The following SGCZ variants were observed in gnomAD, a reference collection of about 807,000 sequenced individuals.
SGCZ encodes the protein sarcoglycan zeta.
SGCZ carries 40 observed loss-of-function variants against 41.3 expected under a neutral mutation model. The ratio of observed to expected loss-of-function variants is 0.97; its 90% CI spans 0.75 to 1.26. The LOEUF (loss-of-function observed/expected upper bound fraction) is 1.26, where lower values mean the gene tolerates loss of function less well. Ranked by LOEUF, SGCZ falls within the 50% of genes most tolerant of loss-of-function variation. SGCZ has a pLI of 0.00. For missense variants in SGCZ, 552 were observed against 369.8 expected (o/e 1.49, Z -4.04); for synonymous variants, 206 against 137.5 (o/e 1.50, Z -3.49).
At chr8:15,013,421 A>T (rs1221022432) in intron 1 of SGCZ, among the ~76,000 whole-genome samples, 1 of 152,202 alleles carries the variant, frequency 6.6e-6, no homozygotes. Context: ...TGCCCTTAGC[A>T]TCTATAACGG....
intron 4 of SGCZ, among the ~76,000 whole-genome samples, chr8:14,211,385 A>T (rs990312902): frequency 2.6e-5 from 4 of 152,152 alleles, no homozygotes; most frequent in Non-Finnish European, 5.9e-5. Flanking sequence ...GACACCGTCC[A>T]TACTTCTCCA....
chr8:14,394,149 T>TCC (rs1804892993), intron 2 of SGCZ, among the ~76,000 whole-genome samples: 1 of 61,326 alleles, frequency 1.6e-5, no homozygotes, highest in African/African-American at 1.1e-4. Context: ...CCACCTTTTT[T>TCC]TTTTTTTTTT....
intron 2 of SGCZ, among the ~76,000 whole-genome samples, chr8:14,454,839 A>T (rs1410587380): frequency 1.3e-5 from 2 of 152,184 alleles, no homozygotes; most frequent in African/African-American, 4.8e-5. Context: ...AAAAATATTA[A>T]GGTTAAATAT....
chr8:14,660,180 T>C (rs1035670017), intron 1 of SGCZ, among the ~76,000 whole-genome samples: 2 of 152,132 alleles, frequency 1.3e-5, no homozygotes, highest in Non-Finnish European at 2.9e-5. Flanking sequence ...TGTCCTTATA[T>C]TCTGGCAGCA....
chr8:14,315,900 AG>A (rs1801698888), intron 3 of SGCZ, among the ~76,000 whole-genome samples: 1 of 151,924 alleles, frequency 6.6e-6, no homozygotes, highest in Admixed American at 6.6e-5. Flanking sequence ...ATAAAAAAGA[AG>A]GAAAAACACA....
chr8:14,624,471 C>T (rs548846554), intron 1 of SGCZ, among the ~76,000 whole-genome samples: 6 of 149,064 alleles, frequency 4.0e-5, no homozygotes, highest in African/African-American at 7.4e-5. Context: ...TACCAAGAAG[C>T]GCAATAATTT....
intron 1 of SGCZ, among the ~76,000 whole-genome samples, chr8:14,895,087 G>C (rs1252687345): frequency 6.6e-6 from 1 of 152,158 alleles, no homozygotes; most frequent in Non-Finnish European, 1.5e-5. Flanking sequence ...GGTTTCAGTT[G>C]AAGTTGCTAC....
intron 1 of SGCZ, among the ~76,000 whole-genome samples, chr8:14,700,203 CCT>C (rs1488090687): frequency 6.6e-6 from 1 of 151,932 alleles, no homozygotes; most frequent in African/African-American, 2.4e-5. Context: ...ATGAAATCAA[CCT>C]GGATGCCCAT....
At chr8:14,455,912 A>G (rs962650291) in intron 2 of SGCZ, among the ~76,000 whole-genome samples, 3 of 152,198 alleles carry the variant, frequency 2.0e-5, no homozygotes, top group East Asian at 1.9e-4. Context: ...TTATGGTTCA[A>G]TTTACATGAA....
At chr8:15,073,455 T>A (rs968077673) in intron 1 of SGCZ, among the ~76,000 whole-genome samples, 1 of 152,118 alleles carries the variant, frequency 6.6e-6, no homozygotes, top group Non-Finnish European at 1.5e-5. Flanking sequence ...AAAATGCAAG[T>A]CATGATGCTT....
chr8:15,237,160 G>A (rs1049258141), intron 1 of SGCZ, among the ~76,000 whole-genome samples: 1 of 152,226 alleles, frequency 6.6e-6, no homozygotes, highest in South Asian at 2.1e-4. Flanking sequence ...GGCACAGGCG[G>A]GATCGGAGCC....
intron 1 of SGCZ, among the ~76,000 whole-genome samples, chr8:14,982,645 C>T (rs922530635): frequency 3.9e-5 from 6 of 152,182 alleles, no homozygotes; most frequent in African/African-American, 1.2e-4. Flanking sequence ...TGAACTAAAT[C>T]GATCTAGGTA....
intron 1 of SGCZ, among the ~76,000 whole-genome samples, chr8:14,617,658 G>C (rs1187693430): frequency 6.6e-6 from 1 of 152,106 alleles, no homozygotes; most frequent in Non-Finnish European, 1.5e-5. Flanking sequence ...AAAATGTCCA[G>C]TTAGGGCAAT....
intron 1 of SGCZ, among the ~76,000 whole-genome samples, chr8:15,100,246 T>C (rs1428530987): frequency 6.6e-6 from 1 of 150,852 alleles, no homozygotes; most frequent in Non-Finnish European, 1.5e-5. Context: ...TAAGTAATTA[T>C]AGCAAGGTTG....
chr8:14,616,330 C>T (rs994694787), intron 1 of SGCZ, among the ~76,000 whole-genome samples: 1 of 151,430 alleles, frequency 6.6e-6, no homozygotes, highest in Non-Finnish European at 1.5e-5. Context: ...ACTGATGATG[C>T]ACAGATGATC....
chr8:14,682,599 T>A (rs1808484392), intron 1 of SGCZ, among the ~76,000 whole-genome samples: 1 of 152,126 alleles, frequency 6.6e-6, no homozygotes, highest in East Asian at 1.9e-4. Flanking sequence ...CACGCCCGGC[T>A]AATTTTTTGT....
At chr8:14,155,138 G>A (rs1278994553) in intron 5 of SGCZ, among the ~76,000 whole-genome samples, 4 of 152,142 alleles carry the variant, frequency 2.6e-5, no homozygotes, top group Non-Finnish European at 5.9e-5. Context: ...GAATCACGTG[G>A]TATACACAGC....
At chr8:14,455,102 G>A (rs1224531349) in intron 2 of SGCZ, among the ~76,000 whole-genome samples, 1 of 151,880 alleles carries the variant, frequency 6.6e-6, no homozygotes, top group Non-Finnish European at 1.5e-5. Context: ...ATAAGAGGGA[G>A]AAAATATATG....
At chr8:15,031,733 A>G (rs988552103) in intron 1 of SGCZ, among the ~76,000 whole-genome samples, 4 of 152,190 alleles carry the variant, frequency 2.6e-5, no homozygotes, top group Non-Finnish European at 4.4e-5. Flanking sequence ...TATATCAGTA[A>G]TACCCTAAAG....
Sources: allele counts gnomAD v4.1 joint callset (sites outside exome capture counted in the v4.1 genomes callset), GRCh38; gene constraint gnomAD v4.1.1; transcripts MANE v1.5; gene names NCBI Gene and HGNC (gene_info 2026-07-23, HGNC 2026-07-21).